The following COL25A1 variants were observed in gnomAD, a reference collection of about 807,000 sequenced individuals.
COL25A1 encodes collagen type XXV alpha 1 chain.
In COL25A1, 103 loss-of-function variants were observed where a neutral mutation model predicts 128.4. That is an observed-to-expected ratio of 0.80 (90% confidence interval 0.68 to 0.94). The LOEUF is 0.94. Among genes scored for constraint, COL25A1 ranks in the 40% least tolerant of loss-of-function variants. The pLI, the probability that COL25A1 is intolerant of heterozygous loss-of-function variation, is 0.00. For missense variants in COL25A1, 745 were observed against 840.0 expected, an observed-to-expected ratio of 0.89 and a Z score of 1.40; for synonymous variants, 279 against 277.2, an observed-to-expected ratio of 1.01 and a Z score of -0.06.
At chr4:109,031,760 T>G (rs574588667) in intron 5 of COL25A1, among the ~76,000 whole-genome samples, 2 of 152,126 alleles carry the variant, frequency 1.3e-5, no homozygotes, top group Non-Finnish European at 2.9e-5. Flanking sequence ...CTTCCTCCAA[T>G]TGCTATAAGC....
intron 3 of COL25A1, among the ~76,000 whole-genome samples, chr4:109,258,743 T>C (rs766408511): frequency 3.3e-5 from 5 of 152,228 alleles, no homozygotes; most frequent in African/African-American, 9.6e-5. Flanking sequence ...ACCACTATGC[T>C]ATAATCCCAT....
intron 3 of COL25A1, among the ~76,000 whole-genome samples, chr4:109,126,313 C>T (rs1768606093): frequency 6.6e-6 from 1 of 152,026 alleles, no homozygotes; most frequent in Non-Finnish European, 1.5e-5. Context: ...TAAATCGAGA[C>T]TTTCAAGGAA....
chr4:109,060,693 A>AACAAAAAC (rs1168767492), intron 3 of COL25A1, among the ~76,000 whole-genome samples: 4 of 151,800 alleles, frequency 2.6e-5, no homozygotes, highest in South Asian at 2.1e-4. Context: ...TTTTCAAAAA[A>AACAAAAAC]AAAAAAACAA....
chr4:109,176,345 G>A (rs544070945), intron 3 of COL25A1, among the ~76,000 whole-genome samples: 7 of 152,208 alleles, frequency 4.6e-5, no homozygotes, highest in South Asian at 2.1e-4. Flanking sequence ...AGCCAAGATC[G>A]CACCACTGCA....
rs1205601896 is a variant in COL25A1 at position 108,998,438 on chromosome 4, A to G, written c.438+11920T>C. ...GTGAAGGACCTCTTCAAGGAGAACT[A>G]CAAACCACTGTTCAATGAAATAAAA... On this transcript the variant is annotated intron_variant, in intron 6 of 37. Transcript: ENST00000399132. Among the ~76,000 whole-genome samples the G allele has an allele frequency of 2.0e-5, 3 of 152,358 alleles. No individual in the cohort carries two copies. The East Asian group carries it at 5.8e-4, about 29-fold the overall frequency.
At position 108,963,219 on chromosome 4, in the gene COL25A1, C is replaced by T. The variant is rs142794231; in HGVS notation, c.492+11148G>A. On this transcript the variant is annotated intron_variant, in intron 8 of 37. Transcript: ENST00000399132. Reference sequence around the variant, plus strand: ...AATCGTGATGCACCATTAAAATCTGCTGTTTTATGCTTTCTTGACTTCTAT... The same window carrying T: ...AATCGTGATGCACCATTAAAATCTGTTGTTTTATGCTTTCTTGACTTCTAT... Among the ~76,000 whole-genome samples the T allele has an allele frequency of 2.0e-3, 309 of 152,294 alleles. 1 individual carries two copies. The highest frequency in any genetic ancestry group is 6.8e-3 in the Middle Eastern group (2 of 294).
intron 3 of COL25A1, among the ~76,000 whole-genome samples, chr4:109,107,596 AAAG>A (rs1766567307): frequency 6.6e-6 from 1 of 152,206 alleles, no homozygotes; most frequent in African/African-American, 2.4e-5. Context: ...CCAAAGGAAA[AAAG>A]AAGAGATGAG....
rs1553963412 is a variant in COL25A1 at position 108,899,011 on chromosome 4, A to ATATCTATC, written c.861+142_861+143insGATAGATA. ...TATATCTATATATCTATATATCTAT[A>ATATCTATC]TACCTACCTACCTACCTATTAATCT... On this transcript the variant is annotated intron_variant, in intron 15 of 37. Coordinates refer to ENST00000399132, the MANE Select transcript of COL25A1 (RefSeq NM_198721.4). 9.9e-5 allele frequency: 58 copies of ATATCTATC among 585,902 alleles called. 3 individuals carry two copies. Among genetic ancestry groups the ATATCTATC allele is most frequent in the African/African-American group, 8.0e-4 (42 of 52,728 alleles). 36.3% of individuals were successfully genotyped at this position (585,902 alleles called of 1,614,324 possible).
chr4:109,298,310 C>A (rs1378722648), intron 3 of COL25A1, among the ~76,000 whole-genome samples: 1 of 152,126 alleles, frequency 6.6e-6, no homozygotes, highest in Non-Finnish European at 1.5e-5. Flanking sequence ...CCTGAATAAA[C>A]CTCACTGGGA....
In COL25A1 at chr4:108,835,359, T is replaced by C. The variant is rs190853379; in HGVS notation, c.1657-2926A>G. ...GAAAATGCACTGGCCCTAAAAATTC[T>C]ATTGTCAAGATTGCAGAACTATTTC... On this transcript the variant is annotated intron_variant, in intron 31 of 37. Coordinates refer to ENST00000399132, the MANE Select transcript of COL25A1 (RefSeq NM_198721.4). Among the ~76,000 whole-genome samples the C allele has an allele frequency of 5.4e-3, 816 of 152,348 alleles. 6 individuals are homozygous for C. The highest frequency in any genetic ancestry group is 0.012 in the South Asian group (57 of 4,832).
intron 13 of COL25A1, among the ~76,000 whole-genome samples, chr4:108,905,088 A>G (rs1160263318): frequency 6.6e-6 from 1 of 152,188 alleles, no homozygotes; most frequent in Non-Finnish European, 1.5e-5. Context: ...TAGCAGTAAT[A>G]TTGTTCATCA....
rs768570811 is a variant in COL25A1, at chr4:108,941,377, G to C, written c.553C>G (p.Arg185Gly). 1 of 1,613,516 alleles carries C rather than the reference G, an allele frequency of 6.2e-7. No homozygotes were observed. Among genetic ancestry groups the C allele is most frequent in the Admixed American group, 1.7e-5 (1 of 60,002 alleles). ...LSADQQLIKR[R>G]LIKGDQGQAG... ...AGAATAAGCACTACCTTAATCAGGCGGCGTTTAATGAGCTGCTGATCAGCA... is the reference window on the plus strand; with the variant it reads ...AGAATAAGCACTACCTTAATCAGGCCGCGTTTAATGAGCTGCTGATCAGCA... Residue 185 changes from arginine (R) to glycine (G), a missense_variant, in exon 9 of 38, where the codon CGC becomes GGC. Transcript: ENST00000399132.
intron 3 of COL25A1, among the ~76,000 whole-genome samples, chr4:109,156,985 T>G (rs574668387): frequency 6.6e-5 from 10 of 152,312 alleles, no homozygotes; most frequent in African/African-American, 2.4e-4. Context: ...ACCTCTTTCA[T>G]TTTCAACCTC....
At chr4:108,842,274 T>C (rs1393176488) in intron 30 of COL25A1, among the ~76,000 whole-genome samples, 1 of 152,200 alleles carries the variant, frequency 6.6e-6, no homozygotes, top group Non-Finnish European at 1.5e-5. Context: ...AAGATTATTA[T>C]GTAGGAAAGC....
chr4:108,947,450 A>T (rs1402629825), intron 8 of COL25A1, among the ~76,000 whole-genome samples: 1 of 150,816 alleles, frequency 6.6e-6, no homozygotes, highest in Non-Finnish European at 1.5e-5. Context: ...CTCAAAAAAA[A>T]AAGAAAAAGA....
At chr4:108,868,970 A>T (rs1376288657) in intron 20 of COL25A1, 118 bp downstream of exon 20, 1 of 625,366 alleles carries the variant, frequency 1.6e-6, no homozygotes, top group Non-Finnish European at 2.8e-6. Flanking sequence ...AAAGGAAAGA[A>T]AGGAAAGGAA....
intron 34 of COL25A1, 58 bp downstream of exon 34, chr4:108,825,138 G>T: frequency 7.4e-7 from 1 of 1,347,922 alleles, no homozygotes; most frequent in Non-Finnish European, 1.1e-6. Flanking sequence ...TGTTATCGAT[G>T]ATGGAGACCA....
intron 6 of COL25A1, among the ~76,000 whole-genome samples, chr4:108,978,607 T>G (rs1752664904): frequency 6.6e-6 from 1 of 152,160 alleles, no homozygotes; most frequent in South Asian, 2.1e-4. Flanking sequence ...GCAATAAAAA[T>G]TAATGGCTAT....
At position 109,019,375 on chromosome 4, in the gene COL25A1, C is replaced by CATATATATATAT. The variant is rs57842656; in HGVS notation, c.421-9012_421-9001dup. Among the ~76,000 whole-genome samples, 273 of 48,792 alleles carry CATATATATATAT rather than the reference C, an allele frequency of 5.6e-3. 6 individuals carry two copies. Among genetic ancestry groups the CATATATATATAT allele is most frequent in the East Asian group, 0.013 (21 of 1,582 alleles). The allele number at this position is 48,792 out of a possible 152,430, so 32.0% of individuals were successfully genotyped here. A position where few individuals can be genotyped will look rare whatever the true frequency, so the allele number is the denominator to read the frequency against. On this transcript the variant is annotated intron_variant, in intron 5 of 37. Coordinates refer to ENST00000399132, the MANE Select transcript of COL25A1 (RefSeq NM_198721.4). Reference sequence around the variant, plus strand: ...ACACACACACACACACACACACACACATATATATATATATATATATATATT... The same window carrying CATATATATATAT: ...ACACACACACACACACACACACACACATATATATATATATATATATATATATATATATATATT...
Sources: allele counts gnomAD v4.1 joint callset (sites outside exome capture counted in the v4.1 genomes callset), GRCh38; gene constraint gnomAD v4.1.1; transcripts MANE v1.5; gene names NCBI Gene and HGNC (gene_info 2026-07-23, HGNC 2026-07-21).